PCDHA3: variants seen among roughly 807,000 people sequenced by gnomAD.
PCDHA3 encodes protocadherin alpha-3.
Under a neutral mutation model 62.2 loss-of-function variants are expected in PCDHA3, and 41 were observed. The observed-to-expected ratio is 0.66, with a 90% confidence interval of 0.51 to 0.86. The LOEUF is 0.86. PCDHA3 is among the 40% of genes least tolerant of loss of function. The pLI is 0.00. For synonymous variants in PCDHA3, 640 were observed against 555.4 expected (o/e 1.15, Z -2.14); for missense variants, 1,304 against 1,241.2 (o/e 1.05, Z -0.76).
chr5:140,828,408 T>C, intron 1 of PCDHA3: 3 of 1,614,250 alleles, frequency 1.9e-6, no homozygotes, highest in Non-Finnish European at 2.5e-6. Context: ...AGCATCCACC[T>C]GGAGGTGATC....
rs75087916 is a variant in PCDHA3, at chr5:140,963,063, T to G, written c.2395-15886T>G. Among the ~76,000 whole-genome samples, 783 of 152,260 alleles carry G rather than the reference T, an allele frequency of 5.1e-3. 9 individuals carry two copies. Among genetic ancestry groups the G allele is most frequent in the African/African-American group, 0.018 (742 of 41,556 alleles). ...AGAGTCTATAAGGGTTTCTACATTGTGAAGGAGACAGAAATATAAGACATG... is the reference window on the plus strand; with the variant it reads ...AGAGTCTATAAGGGTTTCTACATTGGGAAGGAGACAGAAATATAAGACATG... On this transcript the variant is annotated intron_variant, in intron 1 of 3. Transcript: ENST00000522353.
chr5:140,833,083 G>A (rs1348346830), intron 1 of PCDHA3, among the ~76,000 whole-genome samples: 5 of 152,168 alleles, frequency 3.3e-5, no homozygotes, highest in African/African-American at 9.7e-5. Flanking sequence ...ATAACTTTGA[G>A]TACTAGACGA....
chr5:140,880,920 A>G (rs1189539222), intron 1 of PCDHA3, among the ~76,000 whole-genome samples: 1 of 152,228 alleles, frequency 6.6e-6, no homozygotes, highest in Non-Finnish European at 1.5e-5. Flanking sequence ...GAGAAATACT[A>G]TGTTAGTAAA....
At chr5:140,856,839 AC>A (rs1220009978) in intron 1 of PCDHA3, 1 of 1,592,554 alleles carries the variant, frequency 6.3e-7, no homozygotes, top group East Asian at 2.2e-5. Context: ...ATACGGCTCA[AC>A]GCTTCTGATT....
At chr5:140,821,790 G>C in intron 1 of PCDHA3, 1 of 1,612,306 alleles carries the variant, frequency 6.2e-7, no homozygotes, top group Non-Finnish European at 8.5e-7. Flanking sequence ...TATATTCCCG[G>C]AGAGGAAGTC....
intron 1 of PCDHA3, among the ~76,000 whole-genome samples, chr5:140,819,228 T>C (rs183436055): frequency 2.0e-5 from 3 of 152,310 alleles, no homozygotes; most frequent in South Asian, 2.1e-4. Context: ...TGCTTCAACA[T>C]TTCCTCTTCT....
intron 1 of PCDHA3, chr5:140,882,370 C>T: frequency 6.2e-7 from 1 of 1,614,220 alleles, no homozygotes; most frequent in Non-Finnish European, 8.5e-7. Context: ...TCCACTACTC[C>T]GTCCCCGAGG....
At chr5:140,808,178 T>C (rs782647325) in intron 1 of PCDHA3, 1 of 1,614,262 alleles carries the variant, frequency 6.2e-7, no homozygotes, top group Non-Finnish European at 8.5e-7. Flanking sequence ...GCTCCCACTT[T>C]CTGGCCATTG....
chr5:140,819,440 ATT>A (rs1446533087), intron 1 of PCDHA3, among the ~76,000 whole-genome samples: 1 of 152,136 alleles, frequency 6.6e-6, no homozygotes, highest in Non-Finnish European at 1.5e-5. Flanking sequence ...TTAAATCTAA[ATT>A]TTTTTCTCAA....
chr5:140,958,079 T>C (rs182718226), intron 1 of PCDHA3, among the ~76,000 whole-genome samples: 1 of 152,202 alleles, frequency 6.6e-6, no homozygotes, highest in East Asian at 1.9e-4. Context: ...AAGCAAAAAG[T>C]AAAGTTGTAC....
chr5:140,989,949 G>A (rs551733184), intron 3 of PCDHA3, among the ~76,000 whole-genome samples: 3 of 152,064 alleles, frequency 2.0e-5, no homozygotes, highest in South Asian at 2.1e-4. Context: ...CGTTTTTCTC[G>A]GTGAGACCAA....
chr5:140,861,636 CA>C, intron 1 of PCDHA3: 1 of 303,242 alleles, frequency 3.3e-6, no homozygotes. Flanking sequence ...CTCAGCAACA[CA>C]AAAGAATCTG....
intron 1 of PCDHA3, chr5:140,869,588 T>C (rs1404476349): frequency 3.7e-6 from 6 of 1,614,114 alleles, no homozygotes; most frequent in East Asian, 2.2e-5. Context: ...GATGCTGACA[T>C]TGAAGAGAAT....
At chr5:140,886,461 A>G (rs1434440381) in intron 1 of PCDHA3, among the ~76,000 whole-genome samples, 2 of 152,116 alleles carry the variant, frequency 1.3e-5, no homozygotes, top group African/African-American at 2.4e-5. Context: ...TCATATATAA[A>G]TGTTTTTAAA....
chr5:140,999,249 G>A (rs1162368060), intron 3 of PCDHA3, among the ~76,000 whole-genome samples: 1 of 152,066 alleles, frequency 6.6e-6, no homozygotes, highest in Non-Finnish European at 1.5e-5. Context: ...AGTGGGAGTT[G>A]GATTAGTAAA....
At chr5:140,824,170 T>C in intron 1 of PCDHA3, 1 of 1,610,876 alleles carries the variant, frequency 6.2e-7, no homozygotes. Flanking sequence ...CTCCCAATTT[T>C]CAAATATTAA....
intron 1 of PCDHA3, among the ~76,000 whole-genome samples, chr5:140,922,557 CA>C (rs1214132732): frequency 3.2e-4 from 49 of 152,258 alleles, no homozygotes; most frequent in African/African-American, 1.1e-3. Context: ...GGAGAAAAGT[CA>C]GGATGACAAG....
chr5:140,981,498 T>C (rs1299157295), intron 2 of PCDHA3, among the ~76,000 whole-genome samples: 1 of 152,146 alleles, frequency 6.6e-6, no homozygotes, highest in African/African-American at 2.4e-5. Context: ...TGCTTGAACC[T>C]GGGAGGCAGA....
chr5:140,953,131 C>T (rs1554220819), intron 1 of PCDHA3, among the ~76,000 whole-genome samples: 1 of 152,158 alleles, frequency 6.6e-6, no homozygotes, highest in African/African-American at 2.4e-5. Context: ...TAAACCGTAT[C>T]ACTGTTATAT....
Sources: gnomAD v4.1 joint callset for allele counts (sites outside exome capture counted in the v4.1 genomes callset) on GRCh38, gnomAD v4.1.1 for gene constraint, MANE v1.5 for transcripts, NCBI Gene and HGNC (gene_info 2026-07-23, HGNC 2026-07-21) for gene names.